The following ZMYM6 variants were observed in gnomAD, a reference collection of about 807,000 sequenced individuals.
ZMYM6 encodes zinc finger MYM-type protein 6.
A neutral mutation model predicts 134.0 loss-of-function variants in ZMYM6; 90 were observed. The ratio of observed to expected loss-of-function variants is 0.67; its 90% confidence interval spans 0.57 to 0.80. ZMYM6 has a LOEUF of 0.80. Among genes scored for constraint, ZMYM6 ranks in the 30% least tolerant of loss-of-function variants. ZMYM6 has a pLI of 0.00. For missense variants in ZMYM6, 1,362 were observed against 1,533.9 expected, an observed-to-expected ratio of 0.89 and a Z score of 1.87; for synonymous variants, 481 against 524.1, an observed-to-expected ratio of 0.92 and a Z score of 1.12.
rs975618425 is a variant in ZMYM6 at position 35,014,827 on chromosome 1, G to A, written c.665C>T (p.Ser222Leu). 2.7e-5 allele frequency: 44 copies of A among 1,613,856 alleles called. No homozygotes were observed. The highest frequency in any genetic ancestry group is 3.3e-5 in the Non-Finnish European group (39 of 1,180,000). ...GAGGTTGTTTGTAGAGTGAAATTTT[G>A]AAAAACAGGCATCACTACAAAGACC... ...VHGLCSDACF[S>L]KFHSTNNLTM... Residue 222 changes from serine to leucine, a missense_variant, in exon 6 of 16, where the codon TCA (serine) becomes TTA (leucine). Around this residue, in one of 3 missense-constraint regions of ZMYM6, gnomAD observed 503 missense variants for 520.8 expected, o/e 0.97. Transcript: ENST00000357182.
chr1:35,020,554 A>T (rs1641289445), intron 2 of ZMYM6, 87 bp from the exon 3 acceptor site: 3 of 737,974 alleles, frequency 4.1e-6, no homozygotes, highest in South Asian at 3.7e-5. Context: ...AAATTATTCT[A>T]TCCTATTCAT....
intron 2 of ZMYM6, among the ~76,000 whole-genome samples, chr1:35,028,823 A>G (rs1641463298): frequency 6.6e-6 from 1 of 151,996 alleles, no homozygotes; most frequent in Non-Finnish European, 1.5e-5. Context: ...CGTGCTCTCC[A>G]TTCTGGGTCC....
At chr1:35,023,169 C>T (rs150670621) in intron 2 of ZMYM6, among the ~76,000 whole-genome samples, 2,405 of 151,738 alleles carry the variant, frequency 0.016, 71 homozygotes, top group African/African-American at 0.054. Flanking sequence ...AGTGCAATGG[C>T]GGATCTCAGC....
intron 14 of ZMYM6, among the ~76,000 whole-genome samples, chr1:34,998,401 G>A (rs1000975119): frequency 1.6e-4 from 25 of 152,226 alleles, no homozygotes; most frequent in Admixed American, 1.3e-4. Flanking sequence ...ATTTCAATAT[G>A]TGGAAACTTG....
chr1:34,987,560 A>C lies in ZMYM6; in HGVS notation c.3522T>G (p.Asn1174Lys). The part of the protein sequence containing the change: ...DMFPSFSEFS[N>K]SSGLNMTDIT... The stretch of plus-strand genomic sequence containing the variant: ...TGTCTGTCATATTTAAGCCTGATGA[A>C]TTTGAGAATTCAGAAAATGAAGGGA... The change falls in exon 16 of 16, where the codon AAT becomes AAG. Residue 1174 changes from asparagine (N) to lysine (K), a missense_variant. Asn to Lys is a moderately conservative substitution (Grantham distance 94, BLOSUM62 0). Coordinates refer to ENST00000357182, the MANE Select transcript of ZMYM6 (RefSeq NM_007167.4). The C allele has an allele frequency of 6.2e-7, 1 of 1,613,964 alleles. No individual in the cohort carries two copies. The highest frequency in any genetic ancestry group is 8.5e-7 in the Non-Finnish European group (1 of 1,179,954).
chr1:34,993,996 T>G (rs1430334249), intron 14 of ZMYM6, among the ~76,000 whole-genome samples: 1 of 138,890 alleles, frequency 7.2e-6, no homozygotes, highest in Non-Finnish European at 1.5e-5. Context: ...AAAAGTAAAG[T>G]TTTTTAATCC....
intron 4 of ZMYM6, among the ~76,000 whole-genome samples, chr1:35,016,229 A>G (rs970032837): frequency 6.6e-6 from 1 of 152,222 alleles, no homozygotes; most frequent in Non-Finnish European, 1.5e-5. Flanking sequence ...GATTACAGGC[A>G]TAAGCCACCG....
intron 2 of ZMYM6, among the ~76,000 whole-genome samples, chr1:35,022,816 G>A (rs1202082200): frequency 6.6e-6 from 1 of 152,066 alleles, no homozygotes; most frequent in African/African-American, 2.4e-5. Flanking sequence ...ATCCATTATG[G>A]ACAATACCTG....
Position 35,011,914 on chromosome 1 carries a change from G to A in ZMYM6, c.1038C>T (p.Ser346=), listed in dbSNP as rs1262856529. Residue 346 remains serine (S), a synonymous_variant, in exon 8 of 16, where the codon AGC becomes AGT. Transcript: ENST00000357182. ...CCTGGAAAGCAACCACACAACTGGA[G>A]CTGCAGAAGCTGTATATAGTTCCAT... The part of the protein sequence containing the change: ...MSNGTIYSFC[S]SSCVVAFQNV... 6.2e-7 allele frequency: 1 copy of A among 1,604,578 alleles called. No homozygotes were observed. The highest frequency in any genetic ancestry group is 1.1e-5 in the South Asian group (1 of 89,294).
intron 4 of ZMYM6, among the ~76,000 whole-genome samples, chr1:35,015,743 A>AAAAAAAAAAAATATATATATATATAT: frequency 1.9e-5 from 2 of 106,474 alleles, no homozygotes; most frequent in African/African-American, 1.3e-4. Flanking sequence ...AAAAAAAAAA[A>AAAAAAAAAAAATATATATATATATAT]ATATATATAT....
chr1:35,011,859 C>T (rs1014119859), intron 8 of ZMYM6, 31 bp downstream of exon 8: 2 of 1,451,754 alleles, frequency 1.4e-6, no homozygotes, highest in African/African-American at 2.8e-5. Flanking sequence ...CTAACAGAAC[C>T]ACATGCATAA....
chr1:35,015,379 GGGC>G (rs1333415594), intron 4 of ZMYM6, among the ~76,000 whole-genome samples: 4 of 151,988 alleles, frequency 2.6e-5, no homozygotes, highest in Admixed American at 1.3e-4. Flanking sequence ...GTATAAAATG[GGGC>G]TTATAATATC....
In ZMYM6 at chr1:34,992,377, T is replaced by A. The variant is rs1640692631; in HGVS notation, c.2003A>T (p.Gln668Leu). Residue 668 changes from glutamine (Q) to leucine (L), a missense_variant, in exon 15 of 16, where the codon CAG (glutamine) becomes CTG (leucine). Coordinates refer to ENST00000357182, the MANE Select transcript of ZMYM6 (RefSeq NM_007167.4). Reference protein sequence around the residue: ...AAKIIQDESTQEDAMKFPSSQ... With the variant: ...AAKIIQDESTLEDAMKFPSSQ... Reference sequence around the variant, plus strand: ...AGATGGAAATTTCATAGCATCTTCCTGTGTACTTTCCTAGTTAAAAGCAAA... The same window carrying A: ...AGATGGAAATTTCATAGCATCTTCCAGTGTACTTTCCTAGTTAAAAGCAAA... 4 of 1,613,232 alleles carry A rather than the reference T, an allele frequency of 2.5e-6. No homozygotes were observed. The highest frequency in any genetic ancestry group is 3.4e-6 in the Non-Finnish European group (4 of 1,179,744).
At chr1:35,005,688 A>G (rs1465914302) in intron 12 of ZMYM6, among the ~76,000 whole-genome samples, 1 of 151,720 alleles carries the variant, frequency 6.6e-6, no homozygotes, top group African/African-American at 2.4e-5. Context: ...GGACTGTTCT[A>G]TTAGTGACTA....
Position 34,988,449 on chromosome 1 carries a change from A to T in ZMYM6, c.2633T>A (p.Leu878His). Residue 878 changes from leucine (L) to histidine (H), a missense_variant, in exon 16 of 16, where the codon CTT (leucine) becomes CAT (histidine). Leu to His is a moderately conservative substitution (Grantham distance 99). This residue lies in a region of ZMYM6 where 824 missense variants were observed against 940.9 expected (regional missense o/e 0.88). Transcript: ENST00000357182. ...SAGDKMKTIP[L>H]SNVTIQHRID... ...CCTGTGTTGAATTGTAACATTAGAA[A>T]GTGGAATAGTTTTCATTTTGTCTCC... 6.4e-7 allele frequency: 1 copy of T among 1,551,444 alleles called. No homozygotes were observed. The highest frequency in any genetic ancestry group is 8.7e-7 in the Non-Finnish European group (1 of 1,146,882).
In ZMYM6 at chr1:34,988,899, A is replaced by G; in HGVS notation, c.2183T>C (p.Leu728Pro). 1 of 1,612,432 alleles carries G rather than the reference A, an allele frequency of 6.2e-7. No homozygotes were observed. Among genetic ancestry groups the G allele is most frequent in the Non-Finnish European group, 8.5e-7 (1 of 1,179,724 alleles). ...TTTTTTCTTTGAAGGTGGAGAATCA[A>G]GTTCTGCATCATTTTTTTCATTAGG... ...PMPNEKNDAELDSPPSKKKRL... is the reference protein window; with the variant it reads ...PMPNEKNDAEPDSPPSKKKRL... Residue 728 changes from leucine (L) to proline (P), a missense_variant, in exon 16 of 16, where the codon CTT (leucine) becomes CCT (proline). Leu to Pro is a moderately conservative substitution (Grantham distance 98). Coordinates refer to ENST00000357182, the MANE Select transcript of ZMYM6 (RefSeq NM_007167.4).
chr1:34,989,680 C>T (rs1430135994), intron 15 of ZMYM6: 2 of 152,184 alleles, frequency 1.3e-5, no homozygotes, highest in Non-Finnish European at 2.9e-5. Context: ...GCGGGCAGAT[C>T]ACCTGAGGTC....
At chr1:35,014,609 G>T in intron 6 of ZMYM6, 88 bp downstream of exon 6, 2 of 1,272,646 alleles carry the variant, frequency 1.6e-6, no homozygotes, top group Non-Finnish European at 2.2e-6. Flanking sequence ...ACTAATGGGA[G>T]GAGCTCACTC....
chr1:35,015,978 C>T (rs1433677683), intron 4 of ZMYM6, among the ~76,000 whole-genome samples: 3 of 139,582 alleles, frequency 2.1e-5, no homozygotes, highest in Non-Finnish European at 4.6e-5. Context: ...GACGGAGTCT[C>T]GCTCTGCTGC....
Sources: allele counts gnomAD v4.1 joint callset (sites outside exome capture counted in the v4.1 genomes callset), GRCh38; gene constraint gnomAD v4.1.1; regional missense constraint gnomAD v4.1.1; transcripts MANE v1.5; gene names NCBI Gene and HGNC (gene_info 2026-07-23, HGNC 2026-07-21).